Variants in ASTN2 observed in about 807,000 individuals in gnomAD.
ASTN2 encodes astrotactin 2.
A neutral mutation model predicts 139.8 loss-of-function variants in ASTN2; 54 were observed. The observed-to-expected ratio is 0.39, with a 90% CI of 0.31 to 0.48. ASTN2 has a LOEUF of 0.48. ASTN2 is among the 20% of genes least tolerant of loss of function. The pLI is 0.95. For missense variants in ASTN2, 1,565 were observed against 1,725.1 expected (o/e 0.91, Z 1.64); for synonymous variants, 756 against 719.5 (o/e 1.05, Z -0.81).
Position 116,650,934 on chromosome 9 carries a change from T to A in ASTN2, c.3072+594A>T, listed in dbSNP as rs930479899. 8.7e-5 allele frequency among the ~76,000 whole-genome samples: 13 copies of A among 148,670 alleles called. No homozygotes were observed. In the East Asian group the frequency reaches 2.3e-3, roughly 27 times the overall value. The stretch of plus-strand genomic sequence containing the variant: ...CCTGCACTACTTTTTTTTTTTTTTT[T>A]AAACCAAGTCTCACTCTGTTACCCA... On this transcript the variant is annotated intron_variant, in intron 17 of 22. Coordinates refer to ENST00000313400, the MANE Select transcript of ASTN2 (RefSeq NM_001365068.1).
At chr9:117,135,726 A>T (rs180960681) in intron 4 of ASTN2, among the ~76,000 whole-genome samples, 4 of 152,284 alleles carry the variant, frequency 2.6e-5, no homozygotes, top group Admixed American at 2.0e-4. Context: ...CGGCTGCGGT[A>T]GGGGCTGAGA....
At chr9:117,261,011 T>C (rs147999454) in intron 2 of ASTN2, among the ~76,000 whole-genome samples, 21 of 152,328 alleles carry the variant, frequency 1.4e-4, no homozygotes, top group Non-Finnish European at 3.1e-4. Flanking sequence ...AGTGAATAAA[T>C]TGTAAAGTGA....
At chr9:116,954,132 T>C (rs1299801630) in intron 10 of ASTN2, among the ~76,000 whole-genome samples, 1 of 152,228 alleles carries the variant, frequency 6.6e-6, no homozygotes, top group Admixed American at 6.5e-5. Flanking sequence ...TGTTTCATTT[T>C]ATTTCATTTC....
At chr9:117,108,307 C>G (rs1421887217) in intron 4 of ASTN2, among the ~76,000 whole-genome samples, 4 of 152,112 alleles carry the variant, frequency 2.6e-5, no homozygotes, top group Non-Finnish European at 4.4e-5. Context: ...GCAGAGAACC[C>G]TCTTCAGGGT....
rs201688024 is a variant in ASTN2, at chr9:117,106,895, CAT to C, written c.1169-10746_1169-10745del. Among the ~76,000 whole-genome samples the C allele has an allele frequency of 2.4e-3, 369 of 152,202 alleles. 2 individuals carry two copies. The highest frequency in any genetic ancestry group is 8.1e-3 in the African/African-American group (336 of 41,552). ...ACAGCTTTTTCTATTATGTAATTTA[CAT>C]ATGTCATATGTGTGTCTGTGCATGT... On this transcript the variant is annotated intron_variant, in intron 4 of 22. Transcript: ENST00000313400.
At chr9:117,315,941 C>A (rs1309328399) in intron 1 of ASTN2, among the ~76,000 whole-genome samples, 2 of 152,210 alleles carry the variant, frequency 1.3e-5, no homozygotes, top group East Asian at 3.8e-4. Context: ...TCATAATAGG[C>A]AACGTCTATT....
intron 4 of ASTN2, among the ~76,000 whole-genome samples, chr9:117,103,862 C>G (rs563449310): frequency 6.6e-6 from 1 of 152,160 alleles, no homozygotes; most frequent in Non-Finnish European, 1.5e-5. Flanking sequence ...TCCCACACCC[C>G]CTATACCACA....
chr9:117,114,720 A>G (rs1829335090), intron 4 of ASTN2, among the ~76,000 whole-genome samples: 1 of 152,192 alleles, frequency 6.6e-6, no homozygotes, highest in African/African-American at 2.4e-5. Context: ...TGCTTTGACT[A>G]AAAGAAAATG....
At chr9:117,098,906 G>A (rs1018454047) in intron 4 of ASTN2, among the ~76,000 whole-genome samples, 6 of 152,078 alleles carry the variant, frequency 3.9e-5, no homozygotes, top group East Asian at 1.9e-4. Context: ...TCAGGAGTTC[G>A]AGACCAGCCT....
Position 116,651,635 on chromosome 9 carries a change from G to A in ASTN2, c.2965C>T (p.Leu989Phe). 6.2e-7 allele frequency: 1 copy of A among 1,614,176 alleles called. No homozygotes were observed. Among genetic ancestry groups the A allele is most frequent in the South Asian group, 1.1e-5 (1 of 91,082 alleles). Residue 989 changes from leucine (L) to phenylalanine (F), a missense_variant, in exon 17 of 23, where the codon CTT becomes TTT. Leu to Phe is a conservative substitution (Grantham distance 22). Around this residue, in one of 4 missense-constraint regions of ASTN2, gnomAD observed 418 missense variants for 465.8 expected, o/e 0.90. Coordinates refer to ENST00000313400, the MANE Select transcript of ASTN2 (RefSeq NM_001365068.1). ...TGCTCCTTGCCTGGCCGGCGGCAAAGGTGACAGGTAGATGGACAGCGCCCC... is the reference window on the plus strand; with the variant it reads ...TGCTCCTTGCCTGGCCGGCGGCAAAAGTGACAGGTAGATGGACAGCGCCCC... ...EKGRCPSTCH[L>F]CRRPGKEQLS... is the part of the protein sequence containing the mutation.
chr9:116,494,857 C>T (rs1178797219), intron 19 of ASTN2, among the ~76,000 whole-genome samples: 1 of 152,178 alleles, frequency 6.6e-6, no homozygotes, highest in Non-Finnish European at 1.5e-5. Context: ...CATTTCCCTC[C>T]AGACTGCGAG....
At chr9:117,213,248 T>C (rs1343756238) in intron 3 of ASTN2, among the ~76,000 whole-genome samples, 1 of 151,974 alleles carries the variant, frequency 6.6e-6, no homozygotes, top group East Asian at 1.9e-4. Context: ...CTCATAGAAG[T>C]AAAAGAATGC....
rs142110261 is a variant in ASTN2 at position 117,216,819 on chromosome 9, G to C, written c.631-2077C>G. 8.5e-3 allele frequency among the ~76,000 whole-genome samples: 1,290 copies of C among 152,116 alleles called. 23 individuals carry two copies. The highest frequency in any genetic ancestry group is 0.03 in the African/African-American group (1,232 of 41,498). On this transcript the variant is annotated intron_variant, in intron 2 of 22. Coordinates refer to ENST00000313400, the MANE Select transcript of ASTN2 (RefSeq NM_001365068.1). ...GGAGAGTGAAGAGAGGAAAGGGCTG[G>C]GGGCAACACTAATCCTTGATAAACA...
chr9:116,482,099 G>A (rs1849187672), intron 20 of ASTN2, among the ~76,000 whole-genome samples: 2 of 152,232 alleles, frequency 1.3e-5, no homozygotes, highest in South Asian at 4.1e-4. Context: ...GGCCGAGGCA[G>A]GCGGATCACA....
At chr9:116,517,945 C>G (rs1051018966) in intron 19 of ASTN2, among the ~76,000 whole-genome samples, 1 of 152,052 alleles carries the variant, frequency 6.6e-6, no homozygotes, top group African/African-American at 2.4e-5. Context: ...TTAACCCAAT[C>G]CATCAAACAC....
At chr9:117,082,473 C>G (rs1828453773) in intron 5 of ASTN2, among the ~76,000 whole-genome samples, 1 of 152,196 alleles carries the variant, frequency 6.6e-6, no homozygotes, top group Admixed American at 6.5e-5. Context: ...GTCTCACTCT[C>G]TTCCAGTTCT....
intron 6 of ASTN2, among the ~76,000 whole-genome samples, chr9:117,016,751 T>G (rs924246728): frequency 1.5e-3 from 55 of 37,120 alleles, no homozygotes; most frequent in Non-Finnish European, 3.0e-3. Flanking sequence ...ATATATAGGT[T>G]TTATATATAG....
rs191932715 is a variant in ASTN2 at position 116,712,845 on chromosome 9, C to T, written c.2806+12926G>A. 2.6e-5 allele frequency among the ~76,000 whole-genome samples: 4 copies of T among 152,214 alleles called. 1 individual carries two copies. In the South Asian group the frequency reaches 8.3e-4, roughly 32 times the overall value. ...TATATCTCAATAAAGCTGTTACGAA[C>T]GTAAAAATGTGACCTTGAGCAAGTG... is the stretch of plus-strand genomic sequence containing the variant. On this transcript the variant is annotated intron_variant, in intron 16 of 22. Coordinates refer to ENST00000313400, the MANE Select transcript of ASTN2 (RefSeq NM_001365068.1).
intron 16 of ASTN2, among the ~76,000 whole-genome samples, chr9:116,701,732 G>A (rs756317694): frequency 6.6e-6 from 1 of 152,158 alleles, no homozygotes; most frequent in Non-Finnish European, 1.5e-5. Context: ...AAATGGAAGT[G>A]TGATCTGAGT....
Sources: gnomAD v4.1 joint callset for allele counts (sites outside exome capture counted in the v4.1 genomes callset) on GRCh38, gnomAD v4.1.1 for gene constraint, gnomAD v4.1.1 regional missense constraint, MANE v1.5 for transcripts, NCBI Gene and HGNC (gene_info 2026-07-23, HGNC 2026-07-21) for gene names.